RIMS1: variants seen among roughly 807,000 people sequenced by gnomAD.
The protein encoded by RIMS1 is regulating synaptic membrane exocytosis protein 1.
RIMS1 carries 83 observed loss-of-function variants against 214.1 expected under a neutral mutation model. The observed-to-expected ratio is 0.39, with a 90% CI of 0.32 to 0.47. RIMS1 has a LOEUF of 0.47. Among genes scored for constraint, RIMS1 ranks in the 20% least tolerant of loss-of-function variants. RIMS1 has a pLI of 0.99. For missense variants in RIMS1, 2,050 were observed against 2,161.8 expected, an observed-to-expected ratio of 0.95 and a Z score of 1.03; for synonymous variants, 793 against 786.8, an observed-to-expected ratio of 1.01 and a Z score of -0.13.
chr6:72,191,358 A>G (rs2050042025), intron 6 of RIMS1, among the ~76,000 whole-genome samples: 1 of 152,196 alleles, frequency 6.6e-6, no homozygotes, highest in Admixed American at 6.5e-5. Context: ...ACCCCTAGAA[A>G]TTTTACTGAG....
intron 6 of RIMS1, among the ~76,000 whole-genome samples, chr6:72,204,070 C>G (rs2052497165): frequency 6.6e-6 from 1 of 152,200 alleles, no homozygotes; most frequent in African/African-American, 2.4e-5. Flanking sequence ...TGTTTTGGAA[C>G]TTCTTAACCT....
chr6:72,052,168 C>T (rs1448575769), intron 2 of RIMS1, among the ~76,000 whole-genome samples: 2 of 152,174 alleles, frequency 1.3e-5, no homozygotes, highest in East Asian at 3.9e-4. Context: ...TTGATTCTGT[C>T]TTCCAACAAG....
intron 22 of RIMS1, among the ~76,000 whole-genome samples, chr6:72,271,498 T>TA (rs1286761691): frequency 2.0e-5 from 3 of 151,940 alleles, no homozygotes; most frequent in African/African-American, 7.2e-5. Flanking sequence ...ATTAATGACT[T>TA]ACATTTTTAT....
intron 2 of RIMS1, among the ~76,000 whole-genome samples, chr6:71,992,440 TTCTTTCTTTC>T (rs1418844688): frequency 2.7e-5 from 4 of 148,126 alleles, no homozygotes; most frequent in African/African-American, 1.0e-4. Flanking sequence ...CTTTCTTTCT[TTCTTTCTTTC>T]TCTTTCTCTT....
In RIMS1 at chr6:72,266,131, C is replaced by T. The variant is rs777690624; in HGVS notation, c.3398+82C>T. ...TCACTTTGTTTTGTTTCATGACAGC[C>T]TTACAGGTTTATTCATTCATGTATA... On this transcript the variant is annotated intron_variant, in intron 22 of 33. Coordinates refer to ENST00000521978, the MANE Select transcript of RIMS1 (RefSeq NM_014989.7). The T allele has an allele frequency of 4.1e-6, 4 of 972,044 alleles. No homozygotes were observed. In the African/African-American group the frequency reaches 6.5e-5, roughly 16 times the overall value. The allele number at this position is 972,044 out of a possible 1,614,324, so 60.2% of individuals were successfully genotyped here. A position where few individuals can be genotyped will look rare whatever the true frequency, so the allele number is the denominator to read the frequency against.
At chr6:71,900,712 G>A (rs1205341794) in intron 1 of RIMS1, among the ~76,000 whole-genome samples, 1 of 152,130 alleles carries the variant, frequency 6.6e-6, no homozygotes, top group African/African-American at 2.4e-5. Flanking sequence ...GTGGAAGAGA[G>A]ATCCCAAATT....
chr6:71,917,155 A>G (rs1001375435), intron 1 of RIMS1, among the ~76,000 whole-genome samples: 8 of 152,170 alleles, frequency 5.3e-5, no homozygotes, highest in Non-Finnish European at 4.4e-5. Flanking sequence ...TTAAGATTAA[A>G]TGAGTTAAAT....
chr6:72,012,778 C>A (rs947930322), intron 2 of RIMS1, among the ~76,000 whole-genome samples: 1 of 152,142 alleles, frequency 6.6e-6, no homozygotes, highest in Admixed American at 6.6e-5. Context: ...GACCTTTAAG[C>A]TAGAGAATCA....
At chr6:72,305,426 ATTGTT>A (rs2095057405) in intron 26 of RIMS1, among the ~76,000 whole-genome samples, 1 of 152,124 alleles carries the variant, frequency 6.6e-6, no homozygotes, top group Admixed American at 6.6e-5. Flanking sequence ...ACAAATTGAG[ATTGTT>A]TTGAGTTGCT....
chr6:71,976,394 G>T (rs1797150068), intron 2 of RIMS1, among the ~76,000 whole-genome samples: 1 of 152,052 alleles, frequency 6.6e-6, no homozygotes, highest in African/African-American at 2.4e-5. Flanking sequence ...TCCGTTTTAA[G>T]AATAAAATTG....
At chr6:72,187,130 G>A (rs2153976010) in intron 6 of RIMS1, among the ~76,000 whole-genome samples, 1 of 152,142 alleles carries the variant, frequency 6.6e-6, no homozygotes, top group South Asian at 2.1e-4. Context: ...CGTCAAGAAG[G>A]AAAGAGAGAA....
chr6:72,163,899 C>T (rs1273318253), intron 4 of RIMS1, among the ~76,000 whole-genome samples: 1 of 152,134 alleles, frequency 6.6e-6, no homozygotes, highest in East Asian at 1.9e-4. Context: ...GCTGGGAGAA[C>T]CAATACTGTC....
At chr6:71,912,965 T>C (rs1777359879) in intron 1 of RIMS1, among the ~76,000 whole-genome samples, 1 of 152,116 alleles carries the variant, frequency 6.6e-6, no homozygotes, top group Admixed American at 6.6e-5. Context: ...GCTTCTTAAA[T>C]TTCACGCACC....
intron 6 of RIMS1, among the ~76,000 whole-genome samples, chr6:72,210,276 A>C (rs2053596307): frequency 6.6e-6 from 1 of 152,252 alleles, no homozygotes; most frequent in Non-Finnish European, 1.5e-5. Flanking sequence ...CAGGCTTAGT[A>C]AATATTTCCA....
intron 6 of RIMS1, among the ~76,000 whole-genome samples, chr6:72,201,420 T>G (rs1034509899): frequency 6.6e-6 from 1 of 152,252 alleles, no homozygotes; most frequent in Non-Finnish European, 1.5e-5. Flanking sequence ...TTTGGTATCC[T>G]TTTAAAATGC....
chr6:72,139,845 T>C (rs1479707191), intron 4 of RIMS1, among the ~76,000 whole-genome samples: 1 of 152,202 alleles, frequency 6.6e-6, no homozygotes, highest in Non-Finnish European at 1.5e-5. Context: ...TCAGGAAGCA[T>C]GTTTTTAGTT....
At position 71,935,737 on chromosome 6, in the gene RIMS1, G is replaced by A. The variant is rs151083503; in HGVS notation, c.165-33246G>A. ...TAACTGAGGGCTGCAGGAACTGGCT[G>A]GACTTTCTCCTGTGCTGTCAAAGCC... On this transcript the variant is annotated intron_variant, in intron 1 of 33. Transcript: ENST00000521978. 3.3e-3 allele frequency among the ~76,000 whole-genome samples: 500 copies of A among 152,258 alleles called. 3 individuals carry two copies. Among genetic ancestry groups the A allele is most frequent in the African/African-American group, 0.012 (478 of 41,542 alleles).
intron 6 of RIMS1, chr6:72,217,240 A>C: frequency 6.5e-7 from 1 of 1,534,912 alleles, no homozygotes; most frequent in Non-Finnish European, 8.7e-7. Context: ...GCACTCAGGA[A>C]CAGGTAAACT....
chr6:71,891,170 A>G (rs1282838223), intron 1 of RIMS1, among the ~76,000 whole-genome samples: 35 of 152,222 alleles, frequency 2.3e-4, no homozygotes, highest in Admixed American at 2.3e-3. Flanking sequence ...AAGGTAATAA[A>G]AAGCATCACA....
Sources: gnomAD v4.1 joint callset for allele counts (sites outside exome capture counted in the v4.1 genomes callset) on GRCh38, gnomAD v4.1.1 for gene constraint, MANE v1.5 for transcripts, NCBI Gene and HGNC (gene_info 2026-07-23, HGNC 2026-07-21) for gene names.